Variants in SLC25A21 observed in about 807,000 individuals in gnomAD.
SLC25A21 encodes solute carrier family 25 member 21.
SLC25A21 carries 47 observed loss-of-function variants against 43.8 expected under a neutral mutation model. The observed-to-expected ratio is 1.07, with a 90% confidence interval of 0.85 to 1.37. The LOEUF (loss-of-function observed/expected upper bound fraction) is 1.37. SLC25A21 is among the 40% of genes most tolerant of loss of function. The pLI, the probability that SLC25A21 is intolerant of heterozygous loss-of-function variation, is 0.00. For synonymous variants in SLC25A21, 131 were observed against 121.3 expected, an observed-to-expected ratio of 1.08 and a Z score of -0.52; for missense variants, 352 against 350.2, an observed-to-expected ratio of 1.00 and a Z score of -0.04.
At chr14:36,751,817 C>T (rs185193683) in intron 3 of SLC25A21, among the ~76,000 whole-genome samples, 1 of 152,286 alleles carries the variant, frequency 6.6e-6, no homozygotes. Flanking sequence ...GTCCATGAGG[C>T]AGAAGTATAT....
chr14:37,093,812 T>TA (rs1962634592), intron 1 of SLC25A21, among the ~76,000 whole-genome samples: 1 of 152,214 alleles, frequency 6.6e-6, no homozygotes, highest in African/African-American at 2.4e-5. Flanking sequence ...GGTGGGATTC[T>TA]ACCCAAACAC....
intron 3 of SLC25A21, among the ~76,000 whole-genome samples, chr14:36,764,681 C>G (rs1024913412): frequency 6.6e-6 from 1 of 151,772 alleles, no homozygotes; most frequent in African/African-American, 2.4e-5. Context: ...GGCTTAGGAC[C>G]CAGCATGCTT....
intron 1 of SLC25A21, among the ~76,000 whole-genome samples, chr14:36,918,615 T>C (rs1891894413): frequency 6.6e-6 from 1 of 152,082 alleles, no homozygotes; most frequent in Admixed American, 6.6e-5. Flanking sequence ...AAGGAAATAC[T>C]ATCCACAATA....
intron 9 of SLC25A21, among the ~76,000 whole-genome samples, chr14:36,681,125 T>C (rs917766937): frequency 3.3e-5 from 5 of 152,216 alleles, no homozygotes; most frequent in Admixed American, 6.5e-5. Flanking sequence ...GCAGTCTTAA[T>C]TGCATTCAAG....
chr14:36,732,889 A>G (rs1035986668), intron 4 of SLC25A21, among the ~76,000 whole-genome samples: 2 of 152,232 alleles, frequency 1.3e-5, no homozygotes, highest in Non-Finnish European at 2.9e-5. Context: ...ATATGTCTCA[A>G]TAATTTTAAG....
chr14:37,027,668 T>A (rs1442685478), intron 1 of SLC25A21, among the ~76,000 whole-genome samples: 1 of 152,162 alleles, frequency 6.6e-6, no homozygotes, highest in African/African-American at 2.4e-5. Flanking sequence ...AAAACTCAAG[T>A]GAAGTTTTGT....
chr14:36,805,338 G>A (rs1888000481), intron 3 of SLC25A21, among the ~76,000 whole-genome samples: 1 of 152,200 alleles, frequency 6.6e-6, no homozygotes, highest in Non-Finnish European at 1.5e-5. Context: ...GCAGTCTGTG[G>A]TGATGACAGC....
chr14:36,751,047 T>C (rs1267529751), intron 3 of SLC25A21, among the ~76,000 whole-genome samples: 1 of 152,228 alleles, frequency 6.6e-6, no homozygotes, highest in Non-Finnish European at 1.5e-5. Context: ...CTGAGGGCTA[T>C]GTCTTGGTTT....
At chr14:36,964,639 T>C (rs1050841067) in intron 1 of SLC25A21, among the ~76,000 whole-genome samples, 7 of 152,234 alleles carry the variant, frequency 4.6e-5, no homozygotes, top group African/African-American at 1.7e-4. Flanking sequence ...AGTAATATTA[T>C]TGGTACCTTG....
chr14:36,715,715 A>G (rs934501588), intron 6 of SLC25A21, among the ~76,000 whole-genome samples: 1 of 152,188 alleles, frequency 6.6e-6, no homozygotes, highest in African/African-American at 2.4e-5. Context: ...TAATTTTTAT[A>G]TTTACCTATG....
At chr14:36,802,510 C>T (rs1485362518) in intron 3 of SLC25A21, among the ~76,000 whole-genome samples, 1 of 152,068 alleles carries the variant, frequency 6.6e-6, no homozygotes, top group Admixed American at 6.6e-5. Context: ...TTATTGTCTC[C>T]ATATTACAAA....
At chr14:36,858,846 C>T (rs1394559138) in intron 2 of SLC25A21, among the ~76,000 whole-genome samples, 1 of 152,186 alleles carries the variant, frequency 6.6e-6, no homozygotes, top group East Asian at 1.9e-4. Context: ...ATTCTTCAAC[C>T]TGAAGATAGA....
At chr14:37,004,847 T>C (rs1485872794) in intron 1 of SLC25A21, among the ~76,000 whole-genome samples, 1 of 152,032 alleles carries the variant, frequency 6.6e-6, no homozygotes, top group African/African-American at 2.4e-5. Flanking sequence ...TAGCTATTGC[T>C]GCATACAGCT....
chr14:37,094,540 A>G (rs993717357), intron 1 of SLC25A21, among the ~76,000 whole-genome samples: 1 of 152,160 alleles, frequency 6.6e-6, no homozygotes, highest in African/African-American at 2.4e-5. Context: ...TGGCCCATCA[A>G]TTTCTCCTCT....
At chr14:37,019,187 G>A (rs1010090911) in intron 1 of SLC25A21, among the ~76,000 whole-genome samples, 1 of 151,866 alleles carries the variant, frequency 6.6e-6, no homozygotes, top group African/African-American at 2.4e-5. Flanking sequence ...CTCATCTCAT[G>A]CCATTGGTTC....
intron 1 of SLC25A21, among the ~76,000 whole-genome samples, chr14:37,029,450 T>G (rs1396199784): frequency 6.6e-6 from 1 of 152,208 alleles, no homozygotes; most frequent in African/African-American, 2.4e-5. Flanking sequence ...ATTAACTCAA[T>G]TTTACAACGA....
chr14:37,088,916 C>A (rs764659901), intron 1 of SLC25A21, among the ~76,000 whole-genome samples: 1 of 152,178 alleles, frequency 6.6e-6, no homozygotes, highest in Non-Finnish European at 1.5e-5. Flanking sequence ...CAGAACCACA[C>A]AGAATTTTGT....
At chr14:37,044,110 T>G (rs1961538326) in intron 1 of SLC25A21, among the ~76,000 whole-genome samples, 1 of 151,916 alleles carries the variant, frequency 6.6e-6, no homozygotes, top group South Asian at 2.1e-4. Flanking sequence ...GAAAAGGAAG[T>G]GTGTCTTGCT....
intron 2 of SLC25A21, among the ~76,000 whole-genome samples, chr14:36,823,605 G>A (rs890975048): frequency 1.3e-5 from 2 of 152,092 alleles, no homozygotes; most frequent in African/African-American, 4.8e-5. Context: ...ATCAAAGACT[G>A]GAAATAGAAC....
Sources: allele counts gnomAD v4.1 joint callset (sites outside exome capture counted in the v4.1 genomes callset), GRCh38; gene constraint gnomAD v4.1.1; transcripts MANE v1.5; gene names NCBI Gene and HGNC (gene_info 2026-07-23, HGNC 2026-07-21).